Variants in TAFA4 observed in about 807,000 individuals in gnomAD.
TAFA4 encodes chemokine-like protein TAFA-4.
In TAFA4, 20 loss-of-function variants were observed where a neutral mutation model predicts 21.1. The observed-to-expected ratio is 0.95, with a 90% confidence interval of 0.67 to 1.38. The LOEUF (loss-of-function observed/expected upper bound fraction) is 1.38. Ranked by LOEUF, TAFA4 falls within the 40% of genes most tolerant of loss-of-function variation. The pLI, the probability that TAFA4 is intolerant of heterozygous loss-of-function variation, is 0.00. For synonymous variants in TAFA4, 71 were observed against 67.4 expected, an observed-to-expected ratio of 1.05 and a Z score of -0.26; for missense variants, 211 against 180.9, an observed-to-expected ratio of 1.17 and a Z score of -0.95.
At chr3:68,743,283 G>C (rs1379953005) in intron 4 of TAFA4, among the ~76,000 whole-genome samples, 4 of 152,030 alleles carry the variant, frequency 2.6e-5, no homozygotes, top group Non-Finnish European at 5.9e-5. Flanking sequence ...ACCTAATAAA[G>C]TTATATTCTT....
At chr3:68,733,590 T>C (rs1387227069) in intron 5 of TAFA4, among the ~76,000 whole-genome samples, 1 of 152,208 alleles carries the variant, frequency 6.6e-6, no homozygotes, top group Non-Finnish European at 1.5e-5. Flanking sequence ...AATAGGTTAT[T>C]TTATAAAACT....
chr3:68,857,192 T>C (rs1705089939), intron 3 of TAFA4, among the ~76,000 whole-genome samples: 2 of 152,210 alleles, frequency 1.3e-5, no homozygotes, highest in Non-Finnish European at 2.9e-5. Context: ...TCCCAATTTG[T>C]GCAAACTGCC....
At chr3:68,899,447 C>T (rs777877326) in intron 1 of TAFA4, among the ~76,000 whole-genome samples, 2 of 151,758 alleles carry the variant, frequency 1.3e-5, no homozygotes, top group Non-Finnish European at 2.9e-5. Flanking sequence ...TTACGGAAGG[C>T]TTCTTAAACT....
intron 3 of TAFA4, among the ~76,000 whole-genome samples, chr3:68,757,271 G>T (rs1434448651): frequency 6.6e-6 from 1 of 151,864 alleles, no homozygotes; most frequent in Non-Finnish European, 1.5e-5. Flanking sequence ...AACAAACTCT[G>T]GTGTCTCTTC....
At chr3:68,820,569 CT>C (rs1358732462) in intron 3 of TAFA4, among the ~76,000 whole-genome samples, 1 of 151,884 alleles carries the variant, frequency 6.6e-6, no homozygotes, top group East Asian at 1.9e-4. Context: ...ATTCCATCTA[CT>C]TGGAAGGATT....
chr3:68,764,416 A>G (rs1702810350), intron 3 of TAFA4, among the ~76,000 whole-genome samples: 1 of 152,164 alleles, frequency 6.6e-6, no homozygotes, highest in Non-Finnish European at 1.5e-5. Context: ...AGCTGTCCAG[A>G]CTGTGGTATT....
intron 5 of TAFA4, among the ~76,000 whole-genome samples, chr3:68,738,453 T>G (rs1474978347): frequency 6.6e-6 from 1 of 152,126 alleles, no homozygotes; most frequent in Non-Finnish European, 1.5e-5. Flanking sequence ...GCAGTCTAGA[T>G]TCATCTCCAT....
At chr3:68,759,943 A>C (rs1261698553) in intron 3 of TAFA4, among the ~76,000 whole-genome samples, 1 of 152,210 alleles carries the variant, frequency 6.6e-6, no homozygotes, top group African/African-American at 2.4e-5. Context: ...TACGTACAGC[A>C]TACTATGTGC....
intron 3 of TAFA4, among the ~76,000 whole-genome samples, chr3:68,828,029 T>C (rs1704293998): frequency 6.6e-6 from 1 of 152,230 alleles, no homozygotes; most frequent in Non-Finnish European, 1.5e-5. Flanking sequence ...TCCATTTAAG[T>C]CTTTAATCCA....
chr3:68,925,329 G>A (rs971915188), intron 1 of TAFA4, among the ~76,000 whole-genome samples: 2 of 152,174 alleles, frequency 1.3e-5, no homozygotes, highest in African/African-American at 4.8e-5. Flanking sequence ...AAAGGTAATA[G>A]ATGTTTACAT....
chr3:68,875,917 T>TAA (rs201172771), intron 3 of TAFA4, among the ~76,000 whole-genome samples: 1,520 of 144,262 alleles, frequency 0.011, 22 homozygotes, highest in African/African-American at 0.036. Flanking sequence ...TCATTTGTTT[T>TAA]AAAAAAAAAA....
intron 3 of TAFA4, among the ~76,000 whole-genome samples, chr3:68,851,746 T>C (rs970297798): frequency 3.3e-5 from 5 of 152,100 alleles, no homozygotes; most frequent in Non-Finnish European, 7.3e-5. Flanking sequence ...TGAAAGGTTA[T>C]AGTAGGCGGG....
intron 1 of TAFA4, among the ~76,000 whole-genome samples, chr3:68,928,828 C>T (rs529212847): frequency 9.2e-5 from 14 of 152,170 alleles, no homozygotes; most frequent in East Asian, 7.7e-4. Flanking sequence ...ATTAGGACTC[C>T]GGGATTCTAA....
chr3:68,830,521 G>C (rs905677788), intron 3 of TAFA4, among the ~76,000 whole-genome samples: 3 of 152,160 alleles, frequency 2.0e-5, no homozygotes, highest in African/African-American at 7.2e-5. Context: ...TTAATGCTGA[G>C]TTCTAATTTG....
intron 3 of TAFA4, among the ~76,000 whole-genome samples, chr3:68,833,394 A>C (rs534707948): frequency 6.6e-6 from 1 of 152,326 alleles, no homozygotes; most frequent in South Asian, 2.1e-4. Flanking sequence ...ATGCAGATTC[A>C]GTGTACGTAC....
At chr3:68,801,824 T>C (rs76974517) in intron 3 of TAFA4, among the ~76,000 whole-genome samples, 2,211 of 152,240 alleles carry the variant, frequency 0.015, 50 homozygotes, top group African/African-American at 0.05. Context: ...TTGATCAAAG[T>C]TTACCAACCT....
At chr3:68,830,735 A>G (rs1259741988) in intron 3 of TAFA4, among the ~76,000 whole-genome samples, 3 of 151,998 alleles carry the variant, frequency 2.0e-5, no homozygotes, top group Non-Finnish European at 4.4e-5. Flanking sequence ...TCATGTCTTG[A>G]ATATCCTTGT....
intron 3 of TAFA4, among the ~76,000 whole-genome samples, chr3:68,809,037 A>C (rs1160261720): frequency 6.6e-6 from 1 of 152,222 alleles, no homozygotes; most frequent in African/African-American, 2.4e-5. Flanking sequence ...CACATGATCA[A>C]ACATGTCAAT....
At chr3:68,777,923 A>G (rs1022660196) in intron 3 of TAFA4, among the ~76,000 whole-genome samples, 2 of 152,166 alleles carry the variant, frequency 1.3e-5, no homozygotes, top group East Asian at 3.9e-4. Context: ...GTAGTAGTCA[A>G]TAACATCTAG....
Sources: allele counts gnomAD v4.1 joint callset (sites outside exome capture counted in the v4.1 genomes callset), GRCh38; gene constraint gnomAD v4.1.1; transcripts MANE v1.5; gene names NCBI Gene and HGNC (gene_info 2026-07-23, HGNC 2026-07-21).